Variants in EYA4 observed in about 807,000 individuals in gnomAD.
The protein encoded by EYA4 is protein phosphatase EYA4.
A neutral mutation model predicts 87.9 loss-of-function variants in EYA4; 31 were observed. The observed-to-expected ratio is 0.35, with a 90% CI of 0.27 to 0.48. The LOEUF (loss-of-function observed/expected upper bound fraction) is 0.48, where lower values mean the gene tolerates loss of function less well. Ranked by LOEUF, EYA4 falls within the 20% of genes least tolerant of loss-of-function variation. EYA4 has a pLI of 0.99. For synonymous variants in EYA4, 263 were observed against 270.6 expected, an observed-to-expected ratio of 0.97 and a Z score of 0.28; for missense variants, 678 against 761.4, an observed-to-expected ratio of 0.89 and a Z score of 1.29.
At chr6:133,416,836 G>A (rs1307731736) in intron 3 of EYA4, among the ~76,000 whole-genome samples, 2 of 152,120 alleles carry the variant, frequency 1.3e-5, no homozygotes, top group South Asian at 2.1e-4. Flanking sequence ...AGGAGAATAG[G>A]GCAAAGCACC....
At chr6:133,388,396 G>C (rs1401831928) in intron 3 of EYA4, among the ~76,000 whole-genome samples, 2 of 130,878 alleles carry the variant, frequency 1.5e-5, no homozygotes, top group Non-Finnish European at 3.4e-5. Flanking sequence ...AACAGAGTGA[G>C]ACTCGGTCTC....
chr6:133,475,521 T>G (rs1795646065), intron 11 of EYA4, among the ~76,000 whole-genome samples: 1 of 152,102 alleles, frequency 6.6e-6, no homozygotes, highest in Admixed American at 6.6e-5. Flanking sequence ...GAAGCCAGTT[T>G]CTTAGGCAGA....
At chr6:133,421,513 G>A (rs968035266) in intron 3 of EYA4, among the ~76,000 whole-genome samples, 1 of 152,196 alleles carries the variant, frequency 6.6e-6, no homozygotes, top group African/African-American at 2.4e-5. Flanking sequence ...GTTCTCAAGA[G>A]TAGCCTTAGA....
At position 133,409,891 on chromosome 6, in the gene EYA4, TATC is replaced by T. The variant is rs1789056453; in HGVS notation, c.83+27453_83+27455del. Reference sequence around the variant, plus strand: ...GAAAGAAATGATATGTTGATTGTCTTATCATTTTACTAAGTATATGTGTATGAA... The same window carrying T: ...GAAAGAAATGATATGTTGATTGTCTTATTTTACTAAGTATATGTGTATGAA... On this transcript the variant is annotated intron_variant, in intron 3 of 19. Coordinates refer to ENST00000355286, the MANE Select transcript of EYA4 (RefSeq NM_004100.5). 2.6e-5 allele frequency among the ~76,000 whole-genome samples: 4 copies of T among 152,292 alleles called. No homozygotes were observed. In the South Asian group the frequency reaches 8.3e-4, roughly 32 times the overall value.
In EYA4 at chr6:133,294,062, T is replaced by TATATATATATATATATATAAAA. The variant is rs71003632; in HGVS notation, c.33+19250_33+19251insTATATATATATATATATAAAAA. Reference sequence around the variant, plus strand: ...ATATATATATATATATATATATATATAATTCTATTCTATATATAACATTCT... The same window carrying TATATATATATATATATATAAAA: ...ATATATATATATATATATATATATATATATATATATATATATATAAAAAATTCTATTCTATATATAACATTCT... On this transcript the variant is annotated intron_variant, in intron 2 of 19. Transcript: ENST00000355286. Among the ~76,000 whole-genome samples, 381 of 105,004 alleles carry TATATATATATATATATATAAAA rather than the reference T, an allele frequency of 3.6e-3. 15 individuals carry two copies. Among genetic ancestry groups the TATATATATATATATATATAAAA allele is most frequent in the Non-Finnish European group, 6.3e-3 (305 of 48,362 alleles). The allele number at this position is 105,004 out of a possible 152,430, so 68.9% of individuals were successfully genotyped here.
intron 2 of EYA4, among the ~76,000 whole-genome samples, chr6:133,316,784 T>C (rs1382249315): frequency 6.6e-6 from 1 of 152,204 alleles, no homozygotes; most frequent in African/African-American, 2.4e-5. Flanking sequence ...CTTGTGCATA[T>C]TAGTTGAAGG....
intron 3 of EYA4, among the ~76,000 whole-genome samples, chr6:133,446,233 G>T (rs1792822733): frequency 6.6e-6 from 1 of 152,200 alleles, no homozygotes; most frequent in East Asian, 1.9e-4. Context: ...AGCTTAAATT[G>T]CCAAGATGAC....
chr6:133,374,306 A>G (rs1018391774), intron 2 of EYA4, among the ~76,000 whole-genome samples: 63 of 152,166 alleles, frequency 4.1e-4, no homozygotes, highest in African/African-American at 1.4e-3. Flanking sequence ...CACTTAAAAC[A>G]TAATTCCTCC....
intron 1 of EYA4, among the ~76,000 whole-genome samples, chr6:133,268,257 T>C (rs916255224): frequency 8.5e-5 from 13 of 152,226 alleles, no homozygotes; most frequent in African/African-American, 2.7e-4. Flanking sequence ...ACTAAAGATA[T>C]TTTCCATAAT....
intron 2 of EYA4, chr6:133,325,191 A>C (rs1489998237): frequency 6.6e-6 from 1 of 152,306 alleles, no homozygotes; most frequent in Non-Finnish European, 1.5e-5. Context: ...AGCCTCAAAA[A>C]CTATTTTGAT....
At chr6:133,514,807 T>C (rs1429280809) in intron 16 of EYA4, among the ~76,000 whole-genome samples, 5 of 152,242 alleles carry the variant, frequency 3.3e-5, no homozygotes, top group Non-Finnish European at 5.9e-5. Context: ...TATAGTAGCA[T>C]TAGCAGTAGT....
At chr6:133,425,231 T>G (rs1327510109) in intron 3 of EYA4, among the ~76,000 whole-genome samples, 2 of 150,682 alleles carry the variant, frequency 1.3e-5, no homozygotes, top group Non-Finnish European at 2.9e-5. Context: ...TAATCCCTGT[T>G]AGTATTGTAA....
chr6:133,391,265 A>C (rs1205059513), intron 3 of EYA4, among the ~76,000 whole-genome samples: 4 of 134,728 alleles, frequency 3.0e-5, no homozygotes, highest in East Asian at 4.6e-4. Context: ...CTTGTTGCCC[A>C]GGCTGGAGGG....
chr6:133,466,021 T>G (rs1794806568), intron 10 of EYA4, among the ~76,000 whole-genome samples: 1 of 152,130 alleles, frequency 6.6e-6, no homozygotes, highest in South Asian at 2.1e-4. Flanking sequence ...CCAGCAAGCA[T>G]TTATTGAGCA....
chr6:133,249,010 G>C (rs73007667), intron 1 of EYA4, among the ~76,000 whole-genome samples: 1 of 151,992 alleles, frequency 6.6e-6, no homozygotes, highest in Non-Finnish European at 1.5e-5. Context: ...GTTTTTAAAG[G>C]TTTCGTTCAT....
chr6:133,346,300 T>G (rs1419925369), intron 2 of EYA4, among the ~76,000 whole-genome samples: 2 of 152,192 alleles, frequency 1.3e-5, no homozygotes, highest in Non-Finnish European at 2.9e-5. Context: ...CATTCAGTTT[T>G]TTTTCCCCAA....
intron 2 of EYA4, among the ~76,000 whole-genome samples, chr6:133,291,121 G>A (rs752795304): frequency 3.9e-5 from 6 of 152,156 alleles, no homozygotes; most frequent in Non-Finnish European, 7.4e-5. Flanking sequence ...AGTTACTGTA[G>A]TATAGGATTT....
chr6:133,525,500 A>G lies in EYA4; in HGVS notation c.1839+246A>G, dbSNP rs142205109. On this transcript the variant is annotated intron_variant, in intron 19 of 19. Transcript: ENST00000355286. ...TTTATTTATGTGTTTGAAAGTATAT[A>G]CATATAGTAAATATATATAGTAACA... Among the ~76,000 whole-genome samples the G allele has an allele frequency of 3.5e-3, 529 of 152,292 alleles. 2 individuals carry two copies. Among genetic ancestry groups the G allele is most frequent in the African/African-American group, 0.01 (417 of 41,572 alleles).
intron 2 of EYA4, among the ~76,000 whole-genome samples, chr6:133,287,000 A>G (rs1192663331): frequency 1.3e-5 from 2 of 152,114 alleles, no homozygotes; most frequent in Non-Finnish European, 1.5e-5. Context: ...TTGTTGTGAC[A>G]ATAAAAAATG....
Sources: allele counts gnomAD v4.1 joint callset (sites outside exome capture counted in the v4.1 genomes callset), GRCh38; gene constraint gnomAD v4.1.1; transcripts MANE v1.5; gene names NCBI Gene and HGNC (gene_info 2026-07-23, HGNC 2026-07-21).